ZNF217: variants seen among roughly 807,000 people sequenced by gnomAD.
ZNF217 encodes zinc finger protein 217.
ZNF217 carries 12 observed loss-of-function variants against 73.3 expected under a neutral mutation model. The observed-to-expected ratio is 0.16, with a 90% CI of 0.10 to 0.27. ZNF217 has a LOEUF of 0.27. ZNF217 is among the 10% of genes least tolerant of loss of function. The probability of loss-of-function intolerance (pLI) is 1.00; values close to 1 mark genes in which losing one functional copy is unlikely to be tolerated. For synonymous variants in ZNF217, 588 were observed against 516.4 expected (o/e 1.14, Z -1.88); for missense variants, 1,195 against 1,327.8 (o/e 0.90, Z 1.55).
chr20:53,588,621 TATATAC>T (rs1411674240), intron 1 of ZNF217, among the ~76,000 whole-genome samples: 5 of 114,904 alleles, frequency 4.4e-5, no homozygotes, highest in Non-Finnish European at 9.4e-5. Flanking sequence ...TATATATATA[TATATAC>T]ACACACACAC....
At chr20:53,586,307 GAAATTA>G (rs1988691022) in intron 1 of ZNF217, among the ~76,000 whole-genome samples, 1 of 152,152 alleles carries the variant, frequency 6.6e-6, no homozygotes, top group African/African-American at 2.4e-5. Context: ...TAACTGATCA[GAAATTA>G]AAATTAACTT....
intron 4 of ZNF217, among the ~76,000 whole-genome samples, chr20:53,572,495 A>G (rs1326805591): frequency 6.6e-6 from 1 of 152,152 alleles, no homozygotes; most frequent in Non-Finnish European, 1.5e-5. Context: ...CAAAGTTTTG[A>G]TTCATGTCCA....
chr20:53,571,164 C>A (rs1987981194), intron 5 of ZNF217, among the ~76,000 whole-genome samples: 1 of 152,094 alleles, frequency 6.6e-6, no homozygotes, highest in Non-Finnish European at 1.5e-5. Context: ...TCTGCTGCAA[C>A]AGAATTAAAT....
Position 53,582,986 on chromosome 20 carries a change from T to A in ZNF217, c.-160A>T, listed in dbSNP as rs1988566703. The A allele has an allele frequency of 5.6e-6, 4 of 712,120 alleles. No homozygotes were observed. The East Asian group carries it at 1.1e-4, about 20-fold the overall frequency. 44.1% of individuals were successfully genotyped at this position (712,120 alleles called of 1,614,324 possible). On this transcript the variant is annotated 5_prime_UTR_variant, in exon 2 of 6. It adds an upstream start codon to the 5' untranslated region. Coordinates refer to ENST00000371471, the MANE Select transcript of ZNF217 (RefSeq NM_006526.3). This position sits in a 1 kb window ranked among gnomAD's most constrained non-coding sequence, Gnocchi z 4.8. The stretch of plus-strand genomic sequence containing the variant: ...GTATAGTCCTCTAACTTCTTCGAAC[T>A]TTTAGGAAGCTCAGTGATGGTGTCA...
chr20:53,582,948 TTCAAAAGAAAGTGTATAG>T lies in ZNF217; in HGVS notation c.-140_-123del. ...CCAGAGCAAATATTTATTATAAAAG[TTCAAAAGAAAGTGTATAG>T]TCCTCTAACTTCTTCGAACTTTTAG... On this transcript the variant is annotated 5_prime_UTR_variant, in exon 2 of 6. Coordinates refer to ENST00000371471, the MANE Select transcript of ZNF217 (RefSeq NM_006526.3). This position sits in a 1 kb window ranked among gnomAD's most constrained non-coding sequence, Gnocchi z 4.8. The T allele has an allele frequency of 9.0e-7, 1 of 1,112,294 alleles. No individual in the cohort carries two copies. The highest frequency in any genetic ancestry group is 1.3e-6 in the Non-Finnish European group (1 of 783,280). 68.9% of individuals were successfully genotyped at this position (1,112,294 alleles called of 1,614,324 possible). A position where few individuals can be genotyped will look rare whatever the true frequency, so the allele number is the denominator to read the frequency against.
chr20:53,593,172 G>C (rs1988943121), intron 1 of ZNF217, among the ~76,000 whole-genome samples: 1 of 151,996 alleles, frequency 6.6e-6, no homozygotes, highest in Admixed American at 6.5e-5. Context: ...GTCGGGGTCC[G>C]CGGCGAGGCC....
intron 4 of ZNF217, 112 bp from the exon 5 acceptor site, chr20:53,571,965 G>A (rs1431083047): frequency 4.7e-6 from 5 of 1,074,312 alleles, no homozygotes; most frequent in East Asian, 2.8e-5. Context: ...TGTAATCAAC[G>A]CCTAAGTCAC....
At chr20:53,571,661 C>T in intron 5 of ZNF217, 60 bp downstream of exon 5, 2 of 1,547,124 alleles carry the variant, frequency 1.3e-6, no homozygotes, top group Non-Finnish European at 1.7e-6. Flanking sequence ...CCCGCCCTGA[C>T]CTCCCAAATG....
chr20:53,567,248 CTATTA>C lies in ZNF217; in HGVS notation c.*2035_*2039del, dbSNP rs1987782665. 1.3e-5 allele frequency: 2 copies of C among 152,484 alleles called. No individual in the cohort carries two copies. Among genetic ancestry groups the C allele is most frequent in the African/African-American group, 2.4e-5 (1 of 41,404 alleles). The allele number at this position is 152,484 out of a possible 1,614,324, so 9.4% of individuals were successfully genotyped here. A position where few individuals can be genotyped will look rare whatever the true frequency, so the allele number is the denominator to read the frequency against. On this transcript the variant is annotated 3_prime_UTR_variant, in exon 6 of 6. Transcript: ENST00000371471. Reference sequence around the variant, plus strand: ...AACAAAAATCCAACGAATTGTACCTCTATTATATGTACTGTTGTCTCAAAGAAAAA... The same window carrying C: ...AACAAAAATCCAACGAATTGTACCTCTATGTACTGTTGTCTCAAAGAAAAA...
chr20:53,584,092 C>T (rs1229904556), intron 1 of ZNF217, among the ~76,000 whole-genome samples: 1 of 152,196 alleles, frequency 6.6e-6, no homozygotes, highest in Admixed American at 6.5e-5. Context: ...CTTTATTTAG[C>T]TCTGCTGCTT....
At chr20:53,584,540 A>G (rs1273752944) in intron 1 of ZNF217, among the ~76,000 whole-genome samples, 1 of 152,334 alleles carries the variant, frequency 6.6e-6, no homozygotes, top group Non-Finnish European at 1.5e-5. Context: ...TGCTATCACA[A>G]TGGAGGATCA....
At chr20:53,577,891 C>A (rs1426243203) in intron 3 of ZNF217, among the ~76,000 whole-genome samples, 1 of 152,212 alleles carries the variant, frequency 6.6e-6, no homozygotes, top group East Asian at 1.9e-4. Context: ...GTGAGCGGAT[C>A]ACTTGAGGTC....
In ZNF217 at chr20:53,576,108, C is replaced by G; in HGVS notation, c.2656G>C (p.Ala886Pro). 1 of 1,614,142 alleles carries G rather than the reference C, an allele frequency of 6.2e-7. No homozygotes were observed. Among genetic ancestry groups the G allele is most frequent in the Non-Finnish European group, 8.5e-7 (1 of 1,180,032 alleles). ...GGTGCCCACGGGCTGTCGTTCTTGG[C>G]GGGGTAGTCGATGGAACCATTGATG... ...SNINGSIDYP[A>P]KNDSPWAPPG... The change falls in exon 4 of 6, where the codon GCC becomes CCC. Residue 886 changes from alanine (A) to proline (P), a missense_variant. By Grantham distance (27) the Ala-to-Pro change is conservative. Transcript: ENST00000371471.
rs780219527 is a variant in ZNF217, at chr20:53,581,410, AG to A, written c.1366+50del. 4 of 1,193,756 alleles carry A rather than the reference AG, an allele frequency of 3.4e-6. No homozygotes were observed. The highest frequency in any genetic ancestry group is 4.5e-6 in the Non-Finnish European group (4 of 896,422). The allele number at this position is 1,193,756 out of a possible 1,614,324, so 73.9% of individuals were successfully genotyped here. On this transcript the variant is annotated intron_variant, in intron 2 of 5. Transcript: ENST00000371471. The surrounding 1 kb of genome is among the most constrained non-coding windows in gnomAD (Gnocchi z 4.9). ...TGGGAATAGAGAGGGGGAGACGGGG[AG>A]ACAGACAGACACAGGCGGAACAGCA...
At position 53,578,469 on chromosome 20, in the gene ZNF217, A is replaced by T. The variant is rs766110519; in HGVS notation, c.1367-19T>A. The T allele has an allele frequency of 1.4e-6, 2 of 1,476,098 alleles. No homozygotes were observed. The highest frequency in any genetic ancestry group is 1.3e-5 in the South Asian group (1 of 79,086). The allele number at this position is 1,476,098 out of a possible 1,614,324, so 91.4% of individuals were successfully genotyped here. A position where few individuals can be genotyped will look rare whatever the true frequency, so the allele number is the denominator to read the frequency against. On this transcript the variant is annotated intron_variant, in intron 2 of 5. Coordinates refer to ENST00000371471, the MANE Select transcript of ZNF217 (RefSeq NM_006526.3). ...TTTTTATCTTAAAGGAAAAACAAAA[A>T]TATTTATATAAGAAGGTAGCTGAAG...
chr20:53,575,037 G>C (rs1422770377), intron 4 of ZNF217: 1 of 152,066 alleles, frequency 6.6e-6, no homozygotes, highest in African/African-American at 2.4e-5. Flanking sequence ...AAATAAAATT[G>C]ACAAGAAAAA....
chr20:53,582,189 G>T lies in ZNF217; in HGVS notation c.638C>A (p.Ser213Tyr). 2 of 1,614,066 alleles carry T rather than the reference G, an allele frequency of 1.2e-6. No individual in the cohort carries two copies. Among genetic ancestry groups the T allele is most frequent in the Non-Finnish European group, 1.7e-6 (2 of 1,180,046 alleles). The change falls in exon 2 of 6, where the codon TCT becomes TAT. Residue 213 changes from serine to tyrosine, a missense_variant. Coordinates refer to ENST00000371471, the MANE Select transcript of ZNF217 (RefSeq NM_006526.3). This position sits in a 1 kb window ranked among gnomAD's most constrained non-coding sequence, Gnocchi z 4.8. ...VQVHAAESIS[S>Y]PYKICMVCGF... ...ACAAACCATGCAGATTTTGTAAGGA[G>T]AGGAGATGCTCTCGGCCGCGTGCAC...
At chr20:53,591,347 T>C (rs1180776069) in intron 1 of ZNF217, among the ~76,000 whole-genome samples, 2 of 152,240 alleles carry the variant, frequency 1.3e-5, no homozygotes, top group Non-Finnish European at 2.9e-5. Flanking sequence ...TCTTGTCCTC[T>C]ACTTCCTCCT....
chr20:53,572,890 C>G (rs1305294235), intron 4 of ZNF217: 1 of 152,104 alleles, frequency 6.6e-6, no homozygotes, highest in Non-Finnish European at 1.5e-5. Context: ...AGTGACACCA[C>G]CAGGACACAT....
Sources: gnomAD v4.1 joint callset for allele counts (sites outside exome capture counted in the v4.1 genomes callset) on GRCh38, gnomAD v4.1.1 for gene constraint, Gnocchi (gnomAD v3.1) non-coding constraint, MANE v1.5 for transcripts, NCBI Gene and HGNC (gene_info 2026-07-23, HGNC 2026-07-21) for gene names.